Variants in SPAG6 observed in about 807,000 individuals in gnomAD.
The protein encoded by SPAG6 is sperm-associated antigen 6.
SPAG6 carries 49 observed loss-of-function variants against 58.5 expected under a neutral mutation model. The observed-to-expected ratio is 0.84, with a 90% confidence interval of 0.67 to 1.06. The LOEUF (loss-of-function observed/expected upper bound fraction) is 1.06, where lower values mean the gene tolerates loss of function less well. Among genes scored for constraint, SPAG6 ranks in the 50% least tolerant of loss-of-function variants. The probability of loss-of-function intolerance (pLI) is 0.00; values close to 1 mark genes in which losing one functional copy is unlikely to be tolerated. For synonymous variants in SPAG6, 233 were observed against 225.6 expected (o/e 1.03, Z -0.29); for missense variants, 560 against 611.3 (o/e 0.92, Z 0.89).
chr10:22,409,574 A>C (rs921515832), intron 9 of SPAG6, among the ~76,000 whole-genome samples: 3 of 152,208 alleles, frequency 2.0e-5, no homozygotes, highest in Non-Finnish European at 2.9e-5. Flanking sequence ...CTTTTTTTAA[A>C]AGAAGGAATG....
chr10:22,363,531 C>T (rs1034737545), intron 2 of SPAG6, among the ~76,000 whole-genome samples: 16 of 152,100 alleles, frequency 1.1e-4, no homozygotes, highest in Non-Finnish European at 1.5e-4. Context: ...AACTTAGGCA[C>T]GAAACTAATG....
intron 9 of SPAG6, among the ~76,000 whole-genome samples, chr10:22,409,386 C>G (rs538080091): frequency 7.2e-4 from 109 of 152,254 alleles, no homozygotes; most frequent in African/African-American, 2.6e-3. Context: ...GCTCTATTAG[C>G]AAGATCCTTT....
chr10:22,361,606 G>T (rs1329143506), intron 2 of SPAG6, among the ~76,000 whole-genome samples: 5 of 152,286 alleles, frequency 3.3e-5, no homozygotes, highest in Non-Finnish European at 7.3e-5. Flanking sequence ...TGAGGCAGAA[G>T]AATCACTGGA....
chr10:22,364,009 G>GA (rs897248254), intron 2 of SPAG6, among the ~76,000 whole-genome samples: 1 of 152,304 alleles, frequency 6.6e-6, no homozygotes, highest in Admixed American at 6.5e-5. Context: ...AAAGTTAATA[G>GA]AAAGAGCTGG....
chr10:22,412,524 G>C lies in SPAG6; in HGVS notation c.1460+1348G>C, dbSNP rs1184749572. 4.8e-6 allele frequency: 7 copies of C among 1,462,248 alleles called. No individual in the cohort carries two copies. In the East Asian group the frequency reaches 1.7e-4, roughly 36 times the overall value. 90.6% of individuals were successfully genotyped at this position (1,462,248 alleles called of 1,614,324 possible). On this transcript the variant is annotated intron_variant, in intron 10 of 10. Coordinates refer to ENST00000376624, the MANE Select transcript of SPAG6 (RefSeq NM_012443.4). ...TCCTTGACCAAAAGAGTTCCAATAG[G>C]TAAGCTTTGAAATATTAATATATAT...
chr10:22,387,521 A>G (rs893752244), intron 5 of SPAG6, among the ~76,000 whole-genome samples: 2 of 152,126 alleles, frequency 1.3e-5, no homozygotes, highest in African/African-American at 4.8e-5. Context: ...TAAATTAGCA[A>G]TTTCAGTGTT....
intron 2 of SPAG6, among the ~76,000 whole-genome samples, chr10:22,347,772 G>A (rs533757261): frequency 3.3e-5 from 5 of 152,266 alleles, no homozygotes; most frequent in Admixed American, 1.3e-4. Flanking sequence ...AGATGAATAC[G>A]AAAGGAATAT....
chr10:22,411,000 A>C, intron 9 of SPAG6, 31 bp from the exon 10 acceptor site: 1 of 1,588,632 alleles, frequency 6.3e-7, no homozygotes, highest in Non-Finnish European at 8.5e-7. Context: ...GGAAAAGAAA[A>C]GCTGACATTT....
At chr10:22,352,155 C>A (rs1016244974) in intron 2 of SPAG6, among the ~76,000 whole-genome samples, 12 of 151,176 alleles carry the variant, frequency 7.9e-5, no homozygotes, top group African/African-American at 2.9e-4. Flanking sequence ...AGCGAGACTC[C>A]GTCTAAAAAA....
rs764382500 is a variant in SPAG6, at chr10:22,345,871, C to G, written c.121+53C>G. ...CCCCCCGCGCACTGAGTCCCCGACG[C>G]CTCCGCCCCGCTGCCCTGCCCGTGG... On this transcript the variant is annotated intron_variant, in intron 2 of 10. Transcript: ENST00000376624. This position sits in a 1 kb window ranked among gnomAD's most constrained non-coding sequence, Gnocchi z 6.3. 3 of 1,584,258 alleles carry G rather than the reference C, an allele frequency of 1.9e-6. No homozygotes were observed. The highest frequency in any genetic ancestry group is 1.1e-5 in the South Asian group (1 of 87,536).
At chr10:22,405,706 G>A (rs1463201118) in intron 9 of SPAG6, among the ~76,000 whole-genome samples, 1 of 152,098 alleles carries the variant, frequency 6.6e-6, no homozygotes, top group Non-Finnish European at 1.5e-5. Context: ...AGTTTCAGAA[G>A]GAATGGTACC....
intron 4 of SPAG6, among the ~76,000 whole-genome samples, chr10:22,371,687 T>C (rs999197361): frequency 6.6e-6 from 1 of 152,198 alleles, no homozygotes; most frequent in Non-Finnish European, 1.5e-5. Context: ...AAATCTTAAA[T>C]TGAGATGCAA....
At position 22,411,159 on chromosome 10, in the gene SPAG6, C is replaced by A; in HGVS notation, c.1443C>A (p.Tyr481Ter). The A allele has an allele frequency of 3.7e-6, 6 of 1,608,378 alleles. No homozygotes were observed. The highest frequency in any genetic ancestry group is 5.1e-6 in the Non-Finnish European group (6 of 1,178,120). ...ACATCAACAGTATTAACAGTTGTTA[C>A]CCCGAGGAAATAGTGAGGTGGGGAA... Reference protein sequence around the residue: ...QEYINSINSCYPEEIVRYYSP... With the variant: ...QEYINSINSC Residue 481 changes from tyrosine (Y) to a stop codon, truncating the protein, a stop_gained, in exon 10 of 11, where the codon TAC becomes TAA. Coordinates refer to ENST00000376624, the MANE Select transcript of SPAG6 (RefSeq NM_012443.4). LOFTEE classifies it high-confidence loss of function.
intron 2 of SPAG6, among the ~76,000 whole-genome samples, chr10:22,364,487 C>T (rs1020469524): frequency 6.6e-6 from 1 of 152,070 alleles, no homozygotes; most frequent in African/African-American, 2.4e-5. Context: ...ATAAGATTTG[C>T]AAAGTCTGGG....
At chr10:22,370,291 T>C (rs1833653979) in intron 4 of SPAG6, among the ~76,000 whole-genome samples, 1 of 152,206 alleles carries the variant, frequency 6.6e-6, no homozygotes, top group African/African-American at 2.4e-5. Flanking sequence ...TGCTGTGTAG[T>C]GAGTAATTAG....
chr10:22,366,905 C>A (rs1191844042), intron 3 of SPAG6, among the ~76,000 whole-genome samples: 1 of 152,110 alleles, frequency 6.6e-6, no homozygotes, highest in Non-Finnish European at 1.5e-5. Context: ...AACACGAAGC[C>A]TTTGCACAAG....
chr10:22,377,214 A>G (rs1474925230), intron 4 of SPAG6, among the ~76,000 whole-genome samples: 1 of 152,168 alleles, frequency 6.6e-6, no homozygotes, highest in Non-Finnish European at 1.5e-5. Flanking sequence ...CCAGCAAGGA[A>G]TGGAGGCTTC....
In SPAG6 at chr10:22,362,387, G is replaced by A. The variant is rs552043276; in HGVS notation, c.122-2466G>A. Among the ~76,000 whole-genome samples the A allele has an allele frequency of 1.4e-4, 21 of 151,660 alleles. No homozygotes were observed. In the South Asian group the frequency reaches 4.4e-3, roughly 32 times the overall value. On this transcript the variant is annotated intron_variant, in intron 2 of 10. Transcript: ENST00000376624. ...CTTTAAATATATGTTAACAAATTTAGCTTTTCTTTTTTAGAGCATTGACTT... is the reference window on the plus strand; with the variant it reads ...CTTTAAATATATGTTAACAAATTTAACTTTTCTTTTTTAGAGCATTGACTT...
chr10:22,378,275 G>T (rs902443185), intron 4 of SPAG6, among the ~76,000 whole-genome samples: 1 of 151,838 alleles, frequency 6.6e-6, no homozygotes, highest in South Asian at 2.1e-4. Flanking sequence ...TGTTGGCCAG[G>T]TTAGTCTTGA....
Sources: allele counts gnomAD v4.1 joint callset (sites outside exome capture counted in the v4.1 genomes callset), GRCh38; gene constraint gnomAD v4.1.1; non-coding constraint Gnocchi (gnomAD v3.1); transcripts MANE v1.5; gene names NCBI Gene and HGNC (gene_info 2026-07-23, HGNC 2026-07-21).